ANO3: variants seen among roughly 807,000 people sequenced by gnomAD.
The protein encoded by ANO3 is anoctamin-3.
A neutral mutation model predicts 144.8 loss-of-function variants in ANO3; 99 were observed. The ratio of observed to expected loss-of-function variants is 0.68; its 90% CI spans 0.58 to 0.81. The LOEUF is 0.81. Among genes scored for constraint, ANO3 ranks in the 30% least tolerant of loss-of-function variants. The pLI is 0.00. For missense variants in ANO3, 905 were observed against 1,202.2 expected (o/e 0.75, Z 3.66); for synonymous variants, 414 against 392.6 (o/e 1.05, Z -0.64).
At chr11:26,211,803 A>G (rs1291848269) in intron 1 of ANO3, among the ~76,000 whole-genome samples, 1 of 152,244 alleles carries the variant, frequency 6.6e-6, no homozygotes, top group Non-Finnish European at 1.5e-5. Flanking sequence ...AAAGACTTGG[A>G]ACAAACCCAA....
intron 1 of ANO3, among the ~76,000 whole-genome samples, chr11:26,239,574 T>C (rs1315136120): frequency 6.6e-6 from 1 of 152,198 alleles, no homozygotes; most frequent in Non-Finnish European, 1.5e-5. Context: ...TTCTTGCTAC[T>C]ATAGTAGCTT....
intron 1 of ANO3, among the ~76,000 whole-genome samples, chr11:26,390,723 A>G (rs1260161610): frequency 6.6e-6 from 1 of 152,194 alleles, no homozygotes; most frequent in Admixed American, 6.6e-5. Flanking sequence ...TATATTACAT[A>G]AATATATAGT....
chr11:26,601,504 C>T (rs1851798272), intron 17 of ANO3, among the ~76,000 whole-genome samples: 1 of 151,188 alleles, frequency 6.6e-6, no homozygotes, highest in Non-Finnish European at 1.5e-5. Flanking sequence ...ATAATTTATG[C>T]TCTTGACTCA....
intron 1 of ANO3, among the ~76,000 whole-genome samples, chr11:26,299,485 G>A (rs1458547431): frequency 6.6e-6 from 1 of 152,068 alleles, no homozygotes; most frequent in East Asian, 1.9e-4. Context: ...TGGAGCAAAA[G>A]GCAACAAATA....
rs796675184 is a variant in ANO3, at chr11:26,476,901, GTA to G, written c.432+13755_432+13756del. 1.0e-3 allele frequency among the ~76,000 whole-genome samples: 116 copies of G among 112,318 alleles called. 1 individual carries two copies. The highest frequency in any genetic ancestry group is 1.9e-3 in the African/African-American group (63 of 32,428). 73.7% of individuals were successfully genotyped at this position (112,318 alleles called of 152,430 possible). On this transcript the variant is annotated intron_variant, in intron 4 of 26. Transcript: ENST00000256737. ...AGCTGTTATAATTTTGTGTGTGTGT[GTA>G]TGTGTGTGTGTGTGTGTGTGTGTGT...
intron 4 of ANO3, among the ~76,000 whole-genome samples, chr11:26,493,005 AG>A (rs1176976833): frequency 6.6e-6 from 1 of 152,236 alleles, no homozygotes; most frequent in African/African-American, 2.4e-5. Flanking sequence ...CACAATTCTT[AG>A]CACATAATAG....
intron 1 of ANO3, among the ~76,000 whole-genome samples, chr11:26,319,114 C>A (rs1854696825): frequency 6.7e-6 from 1 of 149,850 alleles, no homozygotes; most frequent in Non-Finnish European, 1.5e-5. Flanking sequence ...GTAGCTGGAA[C>A]TACAGGTGTG....
At chr11:26,517,065 T>C (rs1861891364) in intron 6 of ANO3, 138 bp downstream of exon 6, 1 of 456,574 alleles carries the variant, frequency 2.2e-6, no homozygotes, top group Non-Finnish European at 3.9e-6. Context: ...TTCTGGACAG[T>C]TTTTTTTTCT....
At chr11:26,543,129 C>T (rs365407) in intron 11 of ANO3, among the ~76,000 whole-genome samples, 108,150 of 151,940 alleles carry the variant, frequency 0.71, 38,788 homozygotes, top group East Asian at 0.84. Flanking sequence ...AGAAAGCATT[C>T]GGCAGAACCT....
intron 11 of ANO3, among the ~76,000 whole-genome samples, chr11:26,545,390 G>A (rs1849760248): frequency 6.6e-6 from 1 of 151,954 alleles, no homozygotes; most frequent in African/African-American, 2.4e-5. Context: ...TGTGTCTGTG[G>A]TTTTTCCCAT....
Position 26,631,809 on chromosome 11 carries a change from A to G in ANO3, c.1874-2395A>G, listed in dbSNP as rs968273205. Among the ~76,000 whole-genome samples, 4 of 152,204 alleles carry G rather than the reference A, an allele frequency of 2.6e-5. No homozygotes were observed. The East Asian group carries it at 7.7e-4, about 29-fold the overall frequency. ...TAATCATGATCTCTATGCATCTTTAAGAAGCTTTAAAGTATAGATAGCAAA... is the reference window on the plus strand; with the variant it reads ...TAATCATGATCTCTATGCATCTTTAGGAAGCTTTAAAGTATAGATAGCAAA... On this transcript the variant is annotated intron_variant, in intron 18 of 26. Coordinates refer to ENST00000256737, the MANE Select transcript of ANO3 (RefSeq NM_031418.4).
In ANO3 at chr11:26,463,673, A is replaced by G. The variant is rs971480913; in HGVS notation, c.432+525A>G. On this transcript the variant is annotated intron_variant, in intron 4 of 26. Transcript: ENST00000256737. ...GAATACCTTATTGAAATTATAGTTC[A>G]CCAATACAAAAATGAGGTAGAGTTC... Among the ~76,000 whole-genome samples the G allele has an allele frequency of 5.9e-5, 9 of 151,924 alleles. No homozygotes were observed. In the South Asian group the frequency reaches 1.2e-3, roughly 21 times the overall value.
chr11:26,504,779 TTTGGGAGGCCAAGGCGGGCAGATCACAAA>T (rs1166225815), intron 4 of ANO3, among the ~76,000 whole-genome samples: 2 of 86,326 alleles, frequency 2.3e-5, no homozygotes, highest in African/African-American at 7.1e-5. Context: ...ATCCCAGCAC[TTTGGGAGGCCAAGGCGGGCAGATCACAAA>T]GTCAGGAGAT....
intron 1 of ANO3, among the ~76,000 whole-genome samples, chr11:26,278,030 C>A (rs1221940595): frequency 1.3e-5 from 2 of 152,106 alleles, no homozygotes; most frequent in Non-Finnish European, 2.9e-5. Flanking sequence ...CACAGCCCAG[C>A]ATCCACTCTC....
At chr11:26,535,353 G>A (rs10767552) in intron 9 of ANO3, among the ~76,000 whole-genome samples, 107,260 of 151,952 alleles carry the variant, frequency 0.71, 38,225 homozygotes, top group East Asian at 0.84. Flanking sequence ...TAAAATTGCA[G>A]AATTTACATA....
At chr11:26,192,946 T>A (rs544950409) in intron 1 of ANO3, among the ~76,000 whole-genome samples, 5 of 152,090 alleles carry the variant, frequency 3.3e-5, no homozygotes, top group Non-Finnish European at 7.4e-5. Context: ...AAGTTCTGGA[T>A]ACATGTGCAG....
At chr11:26,626,957 C>A (rs2133018519) in intron 18 of ANO3, among the ~76,000 whole-genome samples, 1 of 152,208 alleles carries the variant, frequency 6.6e-6, no homozygotes, top group African/African-American at 2.4e-5. Context: ...GTTCCAGCTT[C>A]ACAGATGCAG....
chr11:26,432,062 G>C (rs1472336462), intron 1 of ANO3, among the ~76,000 whole-genome samples: 1 of 151,998 alleles, frequency 6.6e-6, no homozygotes, highest in Non-Finnish European at 1.5e-5. Context: ...AACCTTTCCA[G>C]CATCTGTTAT....
intron 13 of ANO3, among the ~76,000 whole-genome samples, chr11:26,558,493 T>G (rs1850156397): frequency 6.6e-6 from 1 of 152,162 alleles, no homozygotes; most frequent in African/African-American, 2.4e-5. Context: ...AATTTCTTTA[T>G]GATCCTTTTC....
Sources: allele counts gnomAD v4.1 joint callset (sites outside exome capture counted in the v4.1 genomes callset), GRCh38; gene constraint gnomAD v4.1.1; transcripts MANE v1.5; gene names NCBI Gene and HGNC (gene_info 2026-07-23, HGNC 2026-07-21).